PDE4B: variants seen among roughly 807,000 people sequenced by gnomAD.
PDE4B encodes the protein phosphodiesterase 4B.
In PDE4B, 20 loss-of-function variants were observed where a neutral mutation model predicts 82.2. The ratio of observed to expected loss-of-function variants is 0.24; its 90% confidence interval spans 0.17 to 0.35. PDE4B has a LOEUF of 0.35. Ranked by LOEUF, PDE4B falls within the 10% of genes least tolerant of loss-of-function variation. PDE4B has a pLI of 1.00. For synonymous variants in PDE4B, 320 were observed against 318.9 expected, an observed-to-expected ratio of 1.00 and a Z score of -0.04; for missense variants, 655 against 907.2, an observed-to-expected ratio of 0.72 and a Z score of 3.57.
At chr1:66,363,967 C>T (rs998821015) in intron 12 of PDE4B, among the ~76,000 whole-genome samples, 2 of 152,110 alleles carry the variant, frequency 1.3e-5, no homozygotes, top group Admixed American at 6.6e-5. Context: ...CTTCCCTTTA[C>T]ATCTCTTACT....
chr1:65,820,520 G>C (rs1570972430), intron 1 of PDE4B, among the ~76,000 whole-genome samples: 1 of 152,316 alleles, frequency 6.6e-6, no homozygotes, highest in Non-Finnish European at 1.5e-5. Context: ...TTTAGTAGGG[G>C]TGAGATGAAT....
At chr1:66,138,392 A>G (rs1472978852) in intron 3 of PDE4B, among the ~76,000 whole-genome samples, 1 of 152,076 alleles carries the variant, frequency 6.6e-6, no homozygotes, top group Non-Finnish European at 1.5e-5. Context: ...GGTGGCGGGC[A>G]CCTGTAATCC....
intron 8 of PDE4B, among the ~76,000 whole-genome samples, chr1:66,347,752 G>A (rs1335157644): frequency 1.3e-5 from 2 of 152,122 alleles, no homozygotes; most frequent in East Asian, 3.8e-4. Context: ...ATTCTACATG[G>A]TATTTTTAAG....
chr1:65,962,745 T>G (rs1392156640), intron 3 of PDE4B, among the ~76,000 whole-genome samples: 5 of 152,190 alleles, frequency 3.3e-5, no homozygotes, highest in Admixed American at 3.3e-4. Flanking sequence ...GCATTTCCAG[T>G]TCTTTAGGCC....
chr1:66,342,464 C>A lies in PDE4B; in HGVS notation c.747+9844C>A, dbSNP rs577540290. 4.6e-5 allele frequency among the ~76,000 whole-genome samples: 7 copies of A among 150,700 alleles called. No individual in the cohort carries two copies. The East Asian group carries it at 1.2e-3, about 25-fold the overall frequency. ...GTGGCTCACGCCTGTAATCCCAGCA[C>A]TTTGGGAAGCCAAGGTGGGCGGATT... On this transcript the variant is annotated intron_variant, in intron 8 of 16. Transcript: ENST00000341517.
rs115611687 is a variant in PDE4B at position 65,821,035 on chromosome 1, G to T, written c.-71+27787G>T. ...TTTAGCTACTTGGAATTTTAATAAA[G>T]AATTTTACCAACCCTGGCCATAATT... On this transcript the variant is annotated intron_variant, in intron 1 of 16. Transcript: ENST00000341517. 5.0e-3 allele frequency among the ~76,000 whole-genome samples: 764 copies of T among 152,210 alleles called. 6 individuals carry two copies. Among genetic ancestry groups the T allele is most frequent in the Admixed American group, 0.013 (203 of 15,286 alleles).
At chr1:66,051,376 G>A (rs1038233779) in intron 3 of PDE4B, among the ~76,000 whole-genome samples, 1 of 152,112 alleles carries the variant, frequency 6.6e-6, no homozygotes, top group African/African-American at 2.4e-5. Flanking sequence ...TATTGGGTCA[G>A]TATAGGAGAG....
intron 3 of PDE4B, among the ~76,000 whole-genome samples, chr1:66,144,122 C>T (rs1009188238): frequency 6.6e-6 from 1 of 152,188 alleles, no homozygotes; most frequent in Non-Finnish European, 1.5e-5. Flanking sequence ...AAGTTACAAG[C>T]CCTAAGAATT....
chr1:66,075,774 A>G (rs1656398017), intron 3 of PDE4B, among the ~76,000 whole-genome samples: 1 of 152,034 alleles, frequency 6.6e-6, no homozygotes, highest in Admixed American at 6.6e-5. Context: ...GCTCATGCTC[A>G]TGTTCACCAA....
At chr1:66,223,331 A>G (rs1651154539) in intron 3 of PDE4B, among the ~76,000 whole-genome samples, 2 of 152,172 alleles carry the variant, frequency 1.3e-5, no homozygotes, top group African/African-American at 4.8e-5. Flanking sequence ...CACAACAAAC[A>G]GCCTACAGGA....
rs570737069 is a variant in PDE4B, at chr1:66,198,767, C to A, written c.282-48693C>A. On this transcript the variant is annotated intron_variant, in intron 3 of 16. Coordinates refer to ENST00000341517, the MANE Select transcript of PDE4B (RefSeq NM_002600.4). ...TAATGCTATCCCTCCCCCTTCCCCC[C>A]ACCCCACAACAGTCCCTGGAGTGTG... 5.9e-5 allele frequency among the ~76,000 whole-genome samples: 9 copies of A among 152,094 alleles called. No homozygotes were observed. In the East Asian group the frequency reaches 9.7e-4, roughly 16 times the overall value.
intron 3 of PDE4B, among the ~76,000 whole-genome samples, chr1:66,201,552 C>T (rs1648952307): frequency 1.3e-5 from 2 of 150,622 alleles, no homozygotes; most frequent in Admixed American, 6.6e-5. Context: ...AAAGATTTAA[C>T]TTCTTCTTTG....
At chr1:65,999,622 T>G (rs1651752375) in intron 3 of PDE4B, among the ~76,000 whole-genome samples, 1 of 152,208 alleles carries the variant, frequency 6.6e-6, no homozygotes, top group Admixed American at 6.6e-5. Flanking sequence ...CTTCCTTGTC[T>G]TTTTGGTACT....
At chr1:66,016,222 T>C (rs1652767794) in intron 3 of PDE4B, among the ~76,000 whole-genome samples, 1 of 152,194 alleles carries the variant, frequency 6.6e-6, no homozygotes, top group Non-Finnish European at 1.5e-5. Flanking sequence ...AACCACTCAG[T>C]AACTTAGCTA....
intron 7 of PDE4B, among the ~76,000 whole-genome samples, chr1:66,287,373 G>A (rs1158288001): frequency 3.9e-5 from 6 of 152,244 alleles, no homozygotes; most frequent in East Asian, 1.9e-4. Flanking sequence ...TAAACACTGC[G>A]TATCTCAGAA....
chr1:66,093,987 T>G (rs1645071330), intron 3 of PDE4B, among the ~76,000 whole-genome samples: 1 of 152,072 alleles, frequency 6.6e-6, no homozygotes, highest in Non-Finnish European at 1.5e-5. Flanking sequence ...ATTCTGGATA[T>G]TCCATTGAAC....
intron 3 of PDE4B, among the ~76,000 whole-genome samples, chr1:65,993,303 A>T (rs953583959): frequency 1.6e-4 from 25 of 152,200 alleles, no homozygotes; most frequent in African/African-American, 5.8e-4. Flanking sequence ...ACATAAATGC[A>T]CTGTGTGCTA....
intron 3 of PDE4B, among the ~76,000 whole-genome samples, chr1:66,215,277 G>A (rs954658105): frequency 6.6e-6 from 1 of 152,158 alleles, no homozygotes; most frequent in Non-Finnish European, 1.5e-5. Context: ...AGTTTTGAAA[G>A]TCAGTGAAGA....
chr1:65,831,001 T>C (rs927552790), intron 1 of PDE4B, among the ~76,000 whole-genome samples: 1 of 152,070 alleles, frequency 6.6e-6, no homozygotes, highest in African/African-American at 2.4e-5. Context: ...AAATGCAACA[T>C]ATCAAAATTT....
Sources: gnomAD v4.1 joint callset for allele counts (sites outside exome capture counted in the v4.1 genomes callset) on GRCh38, gnomAD v4.1.1 for gene constraint, MANE v1.5 for transcripts, NCBI Gene and HGNC (gene_info 2026-07-23, HGNC 2026-07-21) for gene names.